APBB2: variants seen among roughly 807,000 people sequenced by gnomAD.
The protein encoded by APBB2 is Fe65-like 1.
Under a neutral mutation model 82.5 loss-of-function variants are expected in APBB2, and 38 were observed. The observed-to-expected ratio is 0.46, with a 90% CI of 0.36 to 0.60. The LOEUF (loss-of-function observed/expected upper bound fraction) is 0.60, where lower values mean the gene tolerates loss of function less well. Among genes scored for constraint, APBB2 ranks in the 20% least tolerant of loss-of-function variants. The pLI is 0.00. For missense variants in APBB2, 772 were observed against 972.3 expected, an observed-to-expected ratio of 0.79 and a Z score of 2.74; for synonymous variants, 341 against 368.2, an observed-to-expected ratio of 0.93 and a Z score of 0.85.
intron 2 of APBB2, among the ~76,000 whole-genome samples, chr4:41,131,093 T>C (rs1323061527): frequency 6.6e-6 from 1 of 152,148 alleles, no homozygotes; most frequent in Non-Finnish European, 1.5e-5. Flanking sequence ...TCCAACACAT[T>C]AAAAGTATGG....
chr4:41,022,530 C>G (rs554351183), intron 5 of APBB2, among the ~76,000 whole-genome samples: 126 of 152,332 alleles, frequency 8.3e-4, no homozygotes, highest in African/African-American at 2.9e-3. Context: ...GATGTCACCG[C>G]TTTATGAAGC....
intron 1 of APBB2, among the ~76,000 whole-genome samples, chr4:41,197,113 T>A: frequency 6.6e-6 from 1 of 152,234 alleles, no homozygotes; most frequent in East Asian, 1.9e-4. Flanking sequence ...ACATGCCGGT[T>A]TATTTTTTTT....
At chr4:41,102,236 G>A (rs1745719032) in intron 2 of APBB2, among the ~76,000 whole-genome samples, 2 of 152,154 alleles carry the variant, frequency 1.3e-5, no homozygotes, top group Non-Finnish European at 2.9e-5. Context: ...GCAAGTAGTT[G>A]TAACTAAAAA....
At chr4:41,157,360 G>C (rs1178137906) in intron 1 of APBB2, among the ~76,000 whole-genome samples, 2 of 152,158 alleles carry the variant, frequency 1.3e-5, no homozygotes, top group East Asian at 3.8e-4. Context: ...CTAACACTAG[G>C]TTGGTGAAGG....
At chr4:41,209,808 G>C (rs36045152) in intron 1 of APBB2, among the ~76,000 whole-genome samples, 12,152 of 152,252 alleles carry the variant, frequency 0.08, 691 homozygotes, top group Non-Finnish European at 0.12. Flanking sequence ...AAAACTATAA[G>C]GGAAGTAGGA....
intron 10 of APBB2, among the ~76,000 whole-genome samples, chr4:40,908,038 A>C (rs1323437136): frequency 6.7e-6 from 1 of 149,646 alleles, no homozygotes; most frequent in Non-Finnish European, 1.5e-5. Flanking sequence ...GCATATGTGT[A>C]TGGTGTGGGT....
intron 10 of APBB2, among the ~76,000 whole-genome samples, chr4:40,916,328 C>A (rs555281203): frequency 6.6e-6 from 1 of 152,138 alleles, no homozygotes; most frequent in African/African-American, 2.4e-5. Flanking sequence ...GACAGACAGA[C>A]AGACAGACAG....
At chr4:40,848,076 T>C (rs951662851) in intron 12 of APBB2, among the ~76,000 whole-genome samples, 6 of 152,162 alleles carry the variant, frequency 3.9e-5, no homozygotes, top group African/African-American at 7.2e-5. Context: ...AAAAAAGTAT[T>C]TGGATTACAG....
intron 6 of APBB2, among the ~76,000 whole-genome samples, chr4:40,955,150 T>A (rs1210477866): frequency 6.6e-6 from 1 of 152,080 alleles, no homozygotes; most frequent in Non-Finnish European, 1.5e-5. Context: ...GGGGATAGGG[T>A]GGGCTATTTA....
intron 6 of APBB2, among the ~76,000 whole-genome samples, chr4:40,990,940 GT>G (rs1473550496): frequency 6.6e-6 from 1 of 152,018 alleles, no homozygotes; most frequent in African/African-American, 2.4e-5. Context: ...CTGAATGGGG[GT>G]TGGGGGCAGG....
chr4:40,919,320 A>G (rs1303507528), intron 10 of APBB2, among the ~76,000 whole-genome samples: 1 of 152,232 alleles, frequency 6.6e-6, no homozygotes. Context: ...ATTAACATAT[A>G]GGAACTTCTT....
chr4:41,205,625 C>A (rs1777739255), intron 1 of APBB2, among the ~76,000 whole-genome samples: 1 of 152,164 alleles, frequency 6.6e-6, no homozygotes, highest in Admixed American at 6.5e-5. Context: ...AGCATACTTA[C>A]AGGTAGGGCT....
intron 1 of APBB2, among the ~76,000 whole-genome samples, chr4:41,152,904 A>G (rs1230537633): frequency 6.6e-6 from 1 of 152,124 alleles, no homozygotes; most frequent in Non-Finnish European, 1.5e-5. Flanking sequence ...TCTAACCACA[A>G]TGGTGATATT....
At chr4:41,164,711 C>T (rs1766044379) in intron 1 of APBB2, among the ~76,000 whole-genome samples, 1 of 152,182 alleles carries the variant, frequency 6.6e-6, no homozygotes. Flanking sequence ...GCTAGTTTAT[C>T]CTCTGGACTT....
rs1315070299 is a variant in APBB2 at position 40,832,051 on chromosome 4, C to CACACACACACACAT, written c.1530-1475_1530-1474insATGTGTGTGTGTGT. The stretch of plus-strand genomic sequence containing the variant: ...ACACACACACACACACACACACACA[C>CACACACACACACAT]ATATACACCAAGCTTTACCCATCTA... On this transcript the variant is annotated intron_variant, in intron 12 of 17. Coordinates refer to ENST00000508593, the MANE Select transcript of APBB2 (RefSeq NM_004307.2). This position sits in a 1 kb window ranked among gnomAD's most constrained non-coding sequence, Gnocchi z 4.8. 1.1e-4 allele frequency among the ~76,000 whole-genome samples: 16 copies of CACACACACACACAT among 149,210 alleles called. No homozygotes were observed. Among genetic ancestry groups the CACACACACACACAT allele is most frequent in the Non-Finnish European group, 1.7e-4 (11 of 66,566 alleles).
intron 1 of APBB2, among the ~76,000 whole-genome samples, chr4:41,155,590 C>T (rs1008658119): frequency 1.3e-4 from 20 of 152,232 alleles, no homozygotes; most frequent in African/African-American, 4.6e-4. Context: ...AGAGAGAATC[C>T]GAAAGACACA....
intron 6 of APBB2, among the ~76,000 whole-genome samples, chr4:40,955,801 A>T (rs776243895): frequency 2.6e-5 from 4 of 151,586 alleles, no homozygotes; most frequent in Non-Finnish European, 5.9e-5. Flanking sequence ...TTTGAGATGA[A>T]GTTTTGCTCT....
At chr4:40,974,573 CTCTGTTATAGAATTATAAGAAG>C (rs1796701250) in intron 6 of APBB2, among the ~76,000 whole-genome samples, 1 of 152,222 alleles carries the variant, frequency 6.6e-6, no homozygotes, top group Non-Finnish European at 1.5e-5. Flanking sequence ...CTAACCACTT[CTCTGTTATAGAATTATAAGAAG>C]GGATGCTGAA....
chr4:40,825,654 T>C (rs1749662417), intron 15 of APBB2: 1 of 495,554 alleles, frequency 2.0e-6, no homozygotes, highest in Admixed American at 3.3e-5. Context: ...AATCCACGTC[T>C]GTATTGCTAA....
Sources: gnomAD v4.1 joint callset for allele counts (sites outside exome capture counted in the v4.1 genomes callset) on GRCh38, gnomAD v4.1.1 for gene constraint, Gnocchi (gnomAD v3.1) non-coding constraint, MANE v1.5 for transcripts, NCBI Gene and HGNC (gene_info 2026-07-23, HGNC 2026-07-21) for gene names.